RBFOX1: variants seen among roughly 807,000 people sequenced by gnomAD.
The protein encoded by RBFOX1 is RNA binding fox-1 homolog 1, also known as RNA binding protein fox-1 homolog 1.
Under a neutral mutation model 57.7 loss-of-function variants are expected in RBFOX1, and 8 were observed. The observed-to-expected ratio is 0.14, with a 90% confidence interval of 0.08 to 0.25. The LOEUF (loss-of-function observed/expected upper bound fraction) is 0.25. RBFOX1 is among the 10% of genes least tolerant of loss of function. RBFOX1 has a pLI of 1.00. For synonymous variants in RBFOX1, 326 were observed against 222.4 expected (o/e 1.47, Z -4.15); for missense variants, 611 against 548.5 (o/e 1.11, Z -1.14).
intron 2 of RBFOX1, among the ~76,000 whole-genome samples, chr16:6,520,035 A>G (rs1226453889): frequency 1.3e-5 from 2 of 152,106 alleles, no homozygotes; most frequent in Admixed American, 6.6e-5. Context: ...ACTCATGGGC[A>G]TGTTTCCACC....
chr16:6,367,560 G>T (rs961235246), intron 2 of RBFOX1, among the ~76,000 whole-genome samples: 5 of 152,104 alleles, frequency 3.3e-5, no homozygotes, highest in Admixed American at 2.6e-4. Context: ...GTGAGCCAAT[G>T]CGCCTGGCCC....
chr16:7,347,554 A>G (rs60791889), intron 4 of RBFOX1, among the ~76,000 whole-genome samples: 1 of 152,064 alleles, frequency 6.6e-6, no homozygotes, highest in African/African-American at 2.4e-5. Context: ...ACACAGCCAA[A>G]CGATATCAAG....
chr16:6,510,163 A>G (rs978731548), intron 2 of RBFOX1, among the ~76,000 whole-genome samples: 22 of 152,252 alleles, frequency 1.4e-4, no homozygotes, highest in Middle Eastern at 6.8e-3. Flanking sequence ...GAGTGGAAAC[A>G]TATGTATGCT....
chr16:6,524,849 T>C (rs1422511044), intron 2 of RBFOX1, among the ~76,000 whole-genome samples: 4 of 152,174 alleles, frequency 2.6e-5, no homozygotes, highest in African/African-American at 9.7e-5. Flanking sequence ...TCTGAGTCTA[T>C]GTGTCTCCAA....
intron 1 of RBFOX1, among the ~76,000 whole-genome samples, chr16:5,349,534 G>C (rs1266921573): frequency 6.6e-6 from 1 of 152,052 alleles, no homozygotes; most frequent in East Asian, 1.9e-4. Context: ...TTAGCCGGGC[G>C]TGGTGGCATG....
chr16:7,380,081 C>T lies in RBFOX1; in HGVS notation c.28-138066C>T, dbSNP rs533107705. 1.3e-3 allele frequency among the ~76,000 whole-genome samples: 203 copies of T among 152,226 alleles called. 1 individual carries two copies. Among genetic ancestry groups the T allele is most frequent in the African/African-American group, 4.7e-3 (195 of 41,554 alleles). ...CTATGTTTCCTGGGCTGGTCTGGAA[C>T]TCTTGGCCTCAAGTAGTCCTCTGAC... On this transcript the variant is annotated intron_variant, in intron 4 of 15. Coordinates refer to ENST00000550418, the MANE Select transcript of RBFOX1 (RefSeq NM_018723.4).
chr16:6,892,780 CT>C (rs2065806283), intron 3 of RBFOX1, among the ~76,000 whole-genome samples: 3 of 32,002 alleles, frequency 9.4e-5, no homozygotes, highest in Admixed American at 9.4e-4. Context: ...GTCTCCCTCT[CT>C]CTCTCTCTCT....
chr16:7,599,289 G>T (rs1392323113), intron 9 of RBFOX1, among the ~76,000 whole-genome samples: 1 of 152,242 alleles, frequency 6.6e-6, no homozygotes, highest in African/African-American at 2.4e-5. Context: ...TTGCACTGGT[G>T]CCCAGGCACA....
At chr16:5,959,111 G>A (rs1469664667) in intron 4 of RBFOX1, among the ~76,000 whole-genome samples, 1 of 152,190 alleles carries the variant, frequency 6.6e-6, no homozygotes, top group Non-Finnish European at 1.5e-5. Flanking sequence ...TGCTACCTGT[G>A]GTTTTAACTG....
intron 4 of RBFOX1, among the ~76,000 whole-genome samples, chr16:7,503,346 T>C (rs1018995173): frequency 6.6e-6 from 1 of 152,210 alleles, no homozygotes; most frequent in African/African-American, 2.4e-5. Flanking sequence ...ACAAAGAAAG[T>C]TGTGTCACAT....
At chr16:5,450,900 C>G (rs540989989) in intron 1 of RBFOX1, among the ~76,000 whole-genome samples, 4 of 152,286 alleles carry the variant, frequency 2.6e-5, no homozygotes, top group Admixed American at 6.5e-5. Context: ...CTCAATAGCT[C>G]TGTGACCTGG....
In RBFOX1 at chr16:7,327,828, C is replaced by T. The variant is rs115216015; in HGVS notation, c.28-190319C>T. ...ACAATATTACCTTTTTTTTTTTACA[C>T]TGTGCAGACAAATCATTATCATGAT... On this transcript the variant is annotated intron_variant, in intron 4 of 15. Coordinates refer to ENST00000550418, the MANE Select transcript of RBFOX1 (RefSeq NM_018723.4). Among the ~76,000 whole-genome samples, 548 of 150,556 alleles carry T rather than the reference C, an allele frequency of 3.6e-3. 4 individuals are homozygous for T. Among genetic ancestry groups the T allele is most frequent in the African/African-American group, 0.013 (526 of 40,810 alleles).
chr16:5,987,288 T>C (rs929452129), intron 4 of RBFOX1, among the ~76,000 whole-genome samples: 9 of 152,202 alleles, frequency 5.9e-5, no homozygotes, highest in Non-Finnish European at 1.0e-4. Context: ...ATTCATTCGT[T>C]ATTGTGGGGT....
intron 4 of RBFOX1, among the ~76,000 whole-genome samples, chr16:7,264,043 A>G (rs566741204): frequency 5.7e-4 from 87 of 152,172 alleles, no homozygotes; most frequent in Admixed American, 1.4e-3. Context: ...CCTTCAAGCT[A>G]GACACTTTGC....
intron 4 of RBFOX1, among the ~76,000 whole-genome samples, chr16:7,119,940 C>T (rs181303173): frequency 7.9e-5 from 12 of 152,136 alleles, no homozygotes; most frequent in South Asian, 4.1e-4. Flanking sequence ...CCAAGATAAA[C>T]CATATTCTGT....
At chr16:5,727,608 T>A (rs2052200865) in intron 3 of RBFOX1, among the ~76,000 whole-genome samples, 1 of 152,214 alleles carries the variant, frequency 6.6e-6, no homozygotes, top group African/African-American at 2.4e-5. Flanking sequence ...AAAGTTTGTA[T>A]ACTTAGACCA....
intron 2 of RBFOX1, among the ~76,000 whole-genome samples, chr16:6,383,853 G>T (rs1308265699): frequency 6.6e-6 from 1 of 152,006 alleles, no homozygotes; most frequent in Non-Finnish European, 1.5e-5. Flanking sequence ...AATTGTCAAA[G>T]TACAAGCCAC....
Position 7,233,696 on chromosome 16 carries a change from T to G in RBFOX1, c.27+181598T>G, listed in dbSNP as rs965501911. Among the ~76,000 whole-genome samples the G allele has an allele frequency of 2.6e-5, 4 of 152,336 alleles. No homozygotes were observed. In the East Asian group the frequency reaches 7.7e-4, roughly 29 times the overall value. On this transcript the variant is annotated intron_variant, in intron 4 of 15. Transcript: ENST00000550418. ...ACCTTAGCAAAAGATGGGGGCCCCA[T>G]GAACTTCCAACTCGTCTTTTATTTA...
At chr16:6,570,450 A>G (rs566192663) in intron 2 of RBFOX1, among the ~76,000 whole-genome samples, 2 of 152,254 alleles carry the variant, frequency 1.3e-5, no homozygotes, top group South Asian at 4.2e-4. Context: ...GAGTTAATAC[A>G]CTCTAATAAG....
Sources: allele counts gnomAD v4.1 joint callset (sites outside exome capture counted in the v4.1 genomes callset), GRCh38; gene constraint gnomAD v4.1.1; transcripts MANE v1.5; gene names NCBI Gene and HGNC (gene_info 2026-07-23, HGNC 2026-07-21).